ITGAD: variants seen among roughly 807,000 people sequenced by gnomAD.
ITGAD encodes integrin subunit alpha D, also known as integrin alpha-D.
In ITGAD, 105 loss-of-function variants were observed where a neutral mutation model predicts 139.0. The ratio of observed to expected loss-of-function variants is 0.76; its 90% confidence interval spans 0.65 to 0.89. The LOEUF is 0.89. ITGAD is among the 40% of genes least tolerant of loss of function. The pLI is 0.00. For synonymous variants in ITGAD, 569 were observed against 598.3 expected (o/e 0.95, Z 0.71); for missense variants, 1,384 against 1,487.3 (o/e 0.93, Z 1.14).
intron 24 of ITGAD, 69 bp downstream of exon 24, chr16:31,423,261 A>G (rs2082042522): frequency 6.3e-7 from 1 of 1,585,990 alleles, no homozygotes; most frequent in Admixed American, 1.7e-5. Flanking sequence ...GGTGGAGAAG[A>G]TGGAGAGGAG....
At chr16:31,420,216 A>C (rs2081981261) in intron 23 of ITGAD, among the ~76,000 whole-genome samples, 2 of 152,266 alleles carry the variant, frequency 1.3e-5, no homozygotes, top group South Asian at 4.2e-4. Flanking sequence ...GGTGTGAGAA[A>C]CTGTTGGGAA....
chr16:31,401,355 AG>A (rs2081399208), intron 5 of ITGAD, among the ~76,000 whole-genome samples: 1 of 152,046 alleles, frequency 6.6e-6, no homozygotes, highest in South Asian at 2.1e-4. Flanking sequence ...TCATCGGTAA[AG>A]GTTTCCTCCA....
chr16:31,393,941 G>A (rs2081200369), intron 1 of ITGAD, among the ~76,000 whole-genome samples: 1 of 152,016 alleles, frequency 6.6e-6, no homozygotes, highest in Non-Finnish European at 1.5e-5. Flanking sequence ...GACCAGCCTG[G>A]CCAACATGGT....
At position 31,413,151 on chromosome 16, in the gene ITGAD, C is replaced by T; in HGVS notation, c.1901C>T (p.Ala634Val). The change falls in exon 16 of 30, where the codon GCT becomes GTT. Residue 634 changes from alanine to valine, a missense_variant. Ala to Val is a moderately conservative substitution (Grantham distance 64). Transcript: ENST00000389202. Reference sequence around the variant, plus strand: ...TTCAGCCCTGTGGAGGTGGCCAAGGCTGTGTACCGGTGCTGGGAAGAGAAG... The same window carrying T: ...TTCAGCCCTGTGGAGGTGGCCAAGGTTGTGTACCGGTGCTGGGAAGAGAAG... Reference protein sequence around the residue: ...MRFSPVEVAKAVYRCWEEKPS... With the variant: ...MRFSPVEVAKVVYRCWEEKPS... 1 of 1,614,170 alleles carries T rather than the reference C, an allele frequency of 6.2e-7. No homozygotes were observed.
chr16:31,404,171 C>T (rs193277966), intron 7 of ITGAD: 2 of 155,818 alleles, frequency 1.3e-5, no homozygotes, highest in Admixed American at 6.3e-5. Context: ...CACCCAAGGT[C>T]GTCCTGGTGC....
chr16:31,398,439 A>C (rs376911916), intron 5 of ITGAD, among the ~76,000 whole-genome samples: 18 of 151,712 alleles, frequency 1.2e-4, no homozygotes, highest in South Asian at 4.2e-4. Context: ...AAAAAAAAAA[A>C]AAAACAAAAA....
At chr16:31,418,045 A>G in intron 20 of ITGAD, 30 bp from the exon 21 acceptor site, 2 of 1,571,700 alleles carry the variant, frequency 1.3e-6, no homozygotes, top group Non-Finnish European at 8.8e-7. Flanking sequence ...GCATGCGGGT[A>G]ACTTCTTAAA....
intron 17 of ITGAD, 107 bp from the exon 18 acceptor site, chr16:31,414,753 G>C: frequency 3.9e-6 from 6 of 1,554,686 alleles, no homozygotes; most frequent in Non-Finnish European, 5.3e-6. Context: ...TGGCTCCACG[G>C]CTTGGAGGGA....
At chr16:31,411,682 CTGTG>C (rs1352136115) in intron 14 of ITGAD, among the ~76,000 whole-genome samples, 165 bp downstream of exon 14, 1 of 152,260 alleles carries the variant, frequency 6.6e-6, no homozygotes, top group Admixed American at 6.5e-5. Flanking sequence ...AGCCTTCCAT[CTGTG>C]TGGGCAGCTT....
chr16:31,398,260 A>C (rs967204724), intron 5 of ITGAD, among the ~76,000 whole-genome samples: 2 of 151,712 alleles, frequency 1.3e-5, no homozygotes, highest in East Asian at 3.9e-4. Flanking sequence ...CTAAAAATAC[A>C]AAACAAAACA....
In ITGAD at chr16:31,398,646, A is replaced by T. The variant is rs2081332594; in HGVS notation, c.427+737A>T. 2.0e-5 allele frequency among the ~76,000 whole-genome samples: 3 copies of T among 151,860 alleles called. No individual in the cohort carries two copies. In the South Asian group the frequency reaches 6.3e-4, roughly 32 times the overall value. ...GCAGGTACATGCATCACACCTGGCTAATTAAAAAAAATGTTTTTGTAGAGA... is the reference window on the plus strand; with the variant it reads ...GCAGGTACATGCATCACACCTGGCTTATTAAAAAAAATGTTTTTGTAGAGA... On this transcript the variant is annotated intron_variant, in intron 5 of 29. Transcript: ENST00000389202.
At chr16:31,397,551 A>T (rs2081297270) in intron 3 of ITGAD, 45 bp from the exon 4 acceptor site, 1 of 1,602,234 alleles carries the variant, frequency 6.2e-7, no homozygotes, top group Non-Finnish European at 8.5e-7. Context: ...TTCCCCGCAA[A>T]TGAGTGTGTG....
Position 31,394,308 on chromosome 16 carries a change from T to C in ITGAD, c.104T>C (p.Phe35Ser). The change falls in exon 2 of 30, where the codon TTT becomes TCT. Residue 35 changes from phenylalanine (F) to serine (S), a missense_variant. Transcript: ENST00000389202. The stretch of plus-strand genomic sequence containing the variant: ...ATCTTCCAGGAGGATGCAGGCGGCT[T>C]TGGGCAGAGCGTGGTGCAGTTCGGT... ...PTIFQEDAGG[F>S]GQSVVQFGGS... The C allele has an allele frequency of 1.2e-6, 2 of 1,613,658 alleles. No homozygotes were observed. Among genetic ancestry groups the C allele is most frequent in the Non-Finnish European group, 1.7e-6 (2 of 1,179,824 alleles).
chr16:31,398,380 T>A (rs1334951728), intron 5 of ITGAD, among the ~76,000 whole-genome samples: 2 of 151,272 alleles, frequency 1.3e-5, no homozygotes, highest in Admixed American at 1.3e-4. Flanking sequence ...TGAGCTGAGA[T>A]TGTGCCATTG....
intron 5 of ITGAD, among the ~76,000 whole-genome samples, chr16:31,401,859 A>C (rs2081413287): frequency 6.6e-6 from 1 of 152,186 alleles, no homozygotes; most frequent in Non-Finnish European, 1.5e-5. Context: ...CACCCCTAGC[A>C]TCTGTGTTTA....
intron 2 of ITGAD, among the ~76,000 whole-genome samples, chr16:31,396,933 CAT>C (rs1021826090): frequency 5.3e-5 from 8 of 152,096 alleles, no homozygotes; most frequent in African/African-American, 1.9e-4. Context: ...TTTGAAAGCA[CAT>C]GTCTTCAGGA....
intron 7 of ITGAD, among the ~76,000 whole-genome samples, chr16:31,405,350 CA>C (rs955636192): frequency 2.0e-5 from 3 of 151,764 alleles, no homozygotes; most frequent in Admixed American, 1.3e-4. Context: ...AGTTTTATTA[CA>C]AAAAAACAAA....
chr16:31,412,937 G>T lies in ITGAD; in HGVS notation c.1807G>T (p.Val603Leu). ...CCAGGATGGACTGATGGACCTGGCC[G>T]TGGGGGCCCGGGGCCAGGTGCTCCT... ...LTQDGLMDLA[V>L]GARGQVLLLR... Residue 603 changes from valine (V) to leucine (L), a missense_variant, in exon 15 of 30, where the codon GTG becomes TTG. Coordinates refer to ENST00000389202, the MANE Select transcript of ITGAD (RefSeq NM_005353.3). 6.2e-7 allele frequency: 1 copy of T among 1,610,868 alleles called. No homozygotes were observed. The highest frequency in any genetic ancestry group is 8.5e-7 in the Non-Finnish European group (1 of 1,178,552).
intron 5 of ITGAD, among the ~76,000 whole-genome samples, chr16:31,399,626 C>G (rs567818438): frequency 5.9e-5 from 9 of 152,222 alleles, no homozygotes; most frequent in African/African-American, 2.2e-4. Flanking sequence ...GTCTGTGAAG[C>G]CAGGTTAGGG....
Sources: gnomAD v4.1 joint callset for allele counts (sites outside exome capture counted in the v4.1 genomes callset) on GRCh38, gnomAD v4.1.1 for gene constraint, MANE v1.5 for transcripts, NCBI Gene and HGNC (gene_info 2026-07-23, HGNC 2026-07-21) for gene names.